RAP1GDS1: variants seen among roughly 807,000 people sequenced by gnomAD.
RAP1GDS1 encodes RAP1, GTP-GDP dissociation stimulator 1.
A neutral mutation model predicts 71.1 loss-of-function variants in RAP1GDS1; 35 were observed. That is an observed-to-expected ratio of 0.49 (90% CI 0.38 to 0.65). RAP1GDS1 has a LOEUF of 0.65. Among genes scored for constraint, RAP1GDS1 ranks in the 30% least tolerant of loss-of-function variants. The pLI is 0.00. For synonymous variants in RAP1GDS1, 229 were observed against 243.1 expected (o/e 0.94, Z 0.54); for missense variants, 663 against 706.1 (o/e 0.94, Z 0.69).
chr4:98,315,106 A>G (rs975252276), intron 2 of RAP1GDS1, among the ~76,000 whole-genome samples: 2 of 152,104 alleles, frequency 1.3e-5, no homozygotes, highest in Admixed American at 6.5e-5. Flanking sequence ...AATATGCTTT[A>G]TTGTCCTTAA....
chr4:98,418,306 T>C (rs1748308553), intron 9 of RAP1GDS1, among the ~76,000 whole-genome samples: 1 of 152,212 alleles, frequency 6.6e-6, no homozygotes, highest in Non-Finnish European at 1.5e-5. Flanking sequence ...TAGCAAAAGG[T>C]AGAGTACTAT....
intron 12 of RAP1GDS1, among the ~76,000 whole-genome samples, chr4:98,425,236 A>C (rs1749447243): frequency 6.6e-6 from 1 of 152,200 alleles, no homozygotes; most frequent in South Asian, 2.1e-4. Flanking sequence ...TGCCAAAAGG[A>C]GCCCTAAATC....
chr4:98,364,749 G>A (rs1001955310), intron 4 of RAP1GDS1, among the ~76,000 whole-genome samples: 7 of 152,076 alleles, frequency 4.6e-5, no homozygotes, highest in African/African-American at 1.7e-4. Flanking sequence ...TGTGAGGGCT[G>A]GGTGCAGTGG....
rs746589094 is a variant in RAP1GDS1, at chr4:98,421,315, G to A, written c.1361G>A (p.Cys454Tyr). 6.2e-7 allele frequency: 1 copy of A among 1,612,572 alleles called. No homozygotes were observed. The highest frequency in any genetic ancestry group is 1.1e-5 in the South Asian group (1 of 90,748). The change falls in exon 12 of 15, where the codon TGT becomes TAT. Residue 454 changes from cysteine (C) to tyrosine (Y), a missense_variant. Cys to Tyr is a radical substitution (Grantham distance 194, BLOSUM62 -2). Transcript: ENST00000408927. Reference protein sequence around the residue: ...VKLVERLVEWCEAKDHAGVMG... With the variant: ...VKLVERLVEWYEAKDHAGVMG... The stretch of plus-strand genomic sequence containing the variant: ...TTAGTGGAGCGTTTGGTGGAATGGT[G>A]TGAAGCCAAAGATCATGCTGGTGTG...
chr4:98,429,438 C>G (rs1178964324), intron 12 of RAP1GDS1, among the ~76,000 whole-genome samples: 1 of 152,022 alleles, frequency 6.6e-6, no homozygotes, highest in East Asian at 1.9e-4. Flanking sequence ...TAAGTAGGAG[C>G]TAAGCTATCA....
chr4:98,423,825 T>TGA (rs1749232902), intron 12 of RAP1GDS1, among the ~76,000 whole-genome samples: 1 of 152,126 alleles, frequency 6.6e-6, no homozygotes, highest in Non-Finnish European at 1.5e-5. Context: ...ATTACAAGCG[T>TGA]GAGCCACCAC....
intron 11 of RAP1GDS1, 43 bp downstream of exon 11, chr4:98,420,187 G>A: frequency 7.0e-7 from 1 of 1,421,800 alleles, no homozygotes. Flanking sequence ...TCATATGATA[G>A]TCTTAATGTG....
At chr4:98,366,554 G>T (rs1739521996) in intron 4 of RAP1GDS1, among the ~76,000 whole-genome samples, 1 of 152,078 alleles carries the variant, frequency 6.6e-6, no homozygotes, top group Non-Finnish European at 1.5e-5. Flanking sequence ...CAGTTTAGAG[G>T]GCTCAGAAGA....
At chr4:98,280,033 A>C (rs1006137701) in intron 1 of RAP1GDS1, among the ~76,000 whole-genome samples, 1 of 152,162 alleles carries the variant, frequency 6.6e-6, no homozygotes, top group Non-Finnish European at 1.5e-5. Context: ...GTTCGTTCCC[A>C]GTCTTTGCTA....
chr4:98,268,265 A>G (rs566691315), intron 1 of RAP1GDS1, among the ~76,000 whole-genome samples: 1 of 152,350 alleles, frequency 6.6e-6, no homozygotes, highest in South Asian at 2.1e-4. Flanking sequence ...ACAAAATTCA[A>G]CATACTTTCA....
chr4:98,429,270 A>AAG (rs1750064484), intron 12 of RAP1GDS1, among the ~76,000 whole-genome samples: 2 of 151,724 alleles, frequency 1.3e-5, no homozygotes, highest in Admixed American at 1.3e-4. Context: ...AAAAAAAAAA[A>AAG]AAAGAAAAGA....
intron 1 of RAP1GDS1, among the ~76,000 whole-genome samples, chr4:98,289,909 T>C (rs1223405058): frequency 6.6e-6 from 1 of 152,094 alleles, no homozygotes; most frequent in Non-Finnish European, 1.5e-5. Context: ...AAATATTTTT[T>C]TTTTTGGATT....
At chr4:98,360,250 A>G (rs1738531644) in intron 4 of RAP1GDS1, among the ~76,000 whole-genome samples, 1 of 152,178 alleles carries the variant, frequency 6.6e-6, no homozygotes, top group Non-Finnish European at 1.5e-5. Flanking sequence ...AATTTTATAG[A>G]TACGAAAGTA....
intron 1 of RAP1GDS1, among the ~76,000 whole-genome samples, chr4:98,292,513 A>G (rs1221973684): frequency 6.6e-6 from 1 of 151,954 alleles, no homozygotes; most frequent in Non-Finnish European, 1.5e-5. Context: ...GCACATGTTT[A>G]TGTAACAAAA....
intron 1 of RAP1GDS1, among the ~76,000 whole-genome samples, chr4:98,269,857 A>G (rs899652912): frequency 6.6e-6 from 1 of 152,198 alleles, no homozygotes; most frequent in Admixed American, 6.6e-5. Flanking sequence ...AGCATTTTGC[A>G]TAAGGGATAC....
At chr4:98,380,082 C>CAAA (rs79487127) in intron 5 of RAP1GDS1, among the ~76,000 whole-genome samples, 122 of 109,714 alleles carry the variant, frequency 1.1e-3, no homozygotes, top group African/African-American at 3.6e-3. Context: ...CTCAATAATT[C>CAAA]AAAAAAAAAA....
intron 1 of RAP1GDS1, among the ~76,000 whole-genome samples, chr4:98,265,773 T>C (rs1269437872): frequency 6.6e-6 from 1 of 152,072 alleles, no homozygotes; most frequent in Non-Finnish European, 1.5e-5. Flanking sequence ...TGGTATATGG[T>C]TGGTTTTAAG....
chr4:98,323,963 G>A (rs1217748526), intron 2 of RAP1GDS1, among the ~76,000 whole-genome samples: 1 of 145,458 alleles, frequency 6.9e-6, no homozygotes, highest in Non-Finnish European at 1.5e-5. Flanking sequence ...TATTCAATTA[G>A]GAAAAGAGGA....
At chr4:98,297,595 C>T (rs1727966430) in intron 2 of RAP1GDS1, among the ~76,000 whole-genome samples, 1 of 152,124 alleles carries the variant, frequency 6.6e-6, no homozygotes, top group African/African-American at 2.4e-5. Context: ...GTGAACCATG[C>T]CCATGTATGA....
Sources: gnomAD v4.1 joint callset for allele counts (sites outside exome capture counted in the v4.1 genomes callset) on GRCh38, gnomAD v4.1.1 for gene constraint, MANE v1.5 for transcripts, NCBI Gene and HGNC (gene_info 2026-07-23, HGNC 2026-07-21) for gene names.